Variants in VWA8 observed in about 807,000 individuals in gnomAD.
VWA8 encodes von Willebrand factor A domain-containing protein 8.
A neutral mutation model predicts 241.5 loss-of-function variants in VWA8; 221 were observed. The observed-to-expected ratio is 0.91, with a 90% CI of 0.82 to 1.02. The LOEUF (loss-of-function observed/expected upper bound fraction) is 1.02. Ranked by LOEUF, VWA8 falls within the 50% of genes least tolerant of loss-of-function variation. The pLI is 0.00. For synonymous variants in VWA8, 852 were observed against 827.1 expected (o/e 1.03, Z -0.52); for missense variants, 2,322 against 2,328.7 (o/e 1.00, Z 0.06).
intron 36 of VWA8, among the ~76,000 whole-genome samples, chr13:41,674,173 T>A (rs866833677): frequency 4.6e-5 from 7 of 152,206 alleles, no homozygotes; most frequent in Admixed American, 6.5e-5. Flanking sequence ...CATATTTTTT[T>A]AATCTGATTA....
At chr13:41,908,200 T>A (rs2138108789) in intron 3 of VWA8, among the ~76,000 whole-genome samples, 2 of 152,326 alleles carry the variant, frequency 1.3e-5, no homozygotes, top group African/African-American at 4.8e-5. Flanking sequence ...GCGCTGTGGC[T>A]CACACCTGTA....
intron 37 of VWA8, among the ~76,000 whole-genome samples, chr13:41,627,762 G>A (rs979962739): frequency 3.3e-5 from 5 of 152,054 alleles, no homozygotes; most frequent in African/African-American, 9.7e-5. Flanking sequence ...AAACTACCCT[G>A]CCTCCACTAG....
At chr13:41,854,994 C>T (rs1872679105) in intron 12 of VWA8, among the ~76,000 whole-genome samples, 1 of 152,044 alleles carries the variant, frequency 6.6e-6, no homozygotes, top group African/African-American at 2.4e-5. Context: ...GTTAGTTGCA[C>T]AGTTGAGGTC....
chr13:41,801,754 G>A (rs1869972274), intron 17 of VWA8, among the ~76,000 whole-genome samples: 1 of 152,186 alleles, frequency 6.6e-6, no homozygotes, highest in African/African-American at 2.4e-5. Flanking sequence ...AAAATGAAAA[G>A]TTCCAATGCA....
At position 41,874,196 on chromosome 13, in the gene VWA8, G is replaced by A. The variant is rs1444364814; in HGVS notation, c.1081-5719C>T. ...GATGGGACGTATCTCAAAATAATAA[G>A]AGCTATCTATGACAAACCCACAGCC... On this transcript the variant is annotated intron_variant, in intron 9 of 44. Coordinates refer to ENST00000379310, the MANE Select transcript of VWA8 (RefSeq NM_015058.2). 3.3e-5 allele frequency among the ~76,000 whole-genome samples: 5 copies of A among 150,756 alleles called. No homozygotes were observed. In the East Asian group the frequency reaches 9.6e-4, roughly 29 times the overall value.
At chr13:41,950,664 A>G (rs1593892720) in intron 1 of VWA8, among the ~76,000 whole-genome samples, 1 of 128,636 alleles carries the variant, frequency 7.8e-6, no homozygotes, top group Non-Finnish European at 1.6e-5. Flanking sequence ...CACCACACTC[A>G]GCCTTTTTTT....
intron 26 of VWA8, among the ~76,000 whole-genome samples, chr13:41,713,132 G>A (rs2045328587): frequency 6.6e-6 from 1 of 152,188 alleles, no homozygotes; most frequent in Admixed American, 6.5e-5. Flanking sequence ...TGTGGTATAA[G>A]CTTTGCTGTA....
chr13:41,610,957 C>T (rs182889953), intron 39 of VWA8, among the ~76,000 whole-genome samples: 6 of 152,308 alleles, frequency 3.9e-5, no homozygotes, highest in East Asian at 1.9e-4. Flanking sequence ...CCTATCCAAA[C>T]TCACTGTCCC....
At chr13:41,607,568 G>A (rs1337996137) in intron 39 of VWA8, among the ~76,000 whole-genome samples, 1 of 152,092 alleles carries the variant, frequency 6.6e-6, no homozygotes, top group African/African-American at 2.4e-5. Flanking sequence ...GTGTTTATAT[G>A]TCAATATGCT....
At chr13:41,825,178 C>A (rs777560891) in intron 14 of VWA8, among the ~76,000 whole-genome samples, 7 of 152,198 alleles carry the variant, frequency 4.6e-5, no homozygotes, top group Admixed American at 6.5e-5. Flanking sequence ...CAGATGGCAA[C>A]AAGTGTGTCA....
intron 34 of VWA8, 101 bp downstream of exon 34, chr13:41,689,253 G>C: frequency 9.4e-6 from 12 of 1,280,624 alleles, no homozygotes; most frequent in Non-Finnish European, 1.2e-5. Flanking sequence ...ATGTTTACCA[G>C]GAAATTATGT....
chr13:41,685,280 T>C (rs1566414289), intron 34 of VWA8, 38 bp from the exon 35 acceptor site: 2 of 1,573,318 alleles, frequency 1.3e-6, no homozygotes, highest in Non-Finnish European at 1.7e-6. Flanking sequence ...TGAAGTACCA[T>C]ATACTACATT....
intron 9 of VWA8, among the ~76,000 whole-genome samples, chr13:41,874,419 T>C (rs1188445904): frequency 1.3e-5 from 2 of 152,160 alleles, no homozygotes; most frequent in Admixed American, 6.5e-5. Flanking sequence ...ATGACATGAC[T>C]GTATATCTAG....
At chr13:41,874,145 TA>T (rs1259931014) in intron 9 of VWA8, among the ~76,000 whole-genome samples, 1 of 151,694 alleles carries the variant, frequency 6.6e-6, no homozygotes, top group African/African-American at 2.4e-5. Context: ...CGCTTCATGC[TA>T]AAAACTCTCA....
At chr13:41,783,045 T>C (rs1300335384) in intron 19 of VWA8, among the ~76,000 whole-genome samples, 1 of 151,180 alleles carries the variant, frequency 6.6e-6, no homozygotes, top group Non-Finnish European at 1.5e-5. Flanking sequence ...AAAGGATGCA[T>C]AGGACATATC....
At chr13:41,869,938 C>G (rs1360587613) in intron 9 of VWA8, among the ~76,000 whole-genome samples, 4 of 152,036 alleles carry the variant, frequency 2.6e-5, no homozygotes, top group African/African-American at 9.7e-5. Flanking sequence ...AGAGTTGAAA[C>G]TCAATGAAAG....
intron 1 of VWA8, among the ~76,000 whole-genome samples, chr13:41,950,617 C>G (rs1008501598): frequency 6.6e-6 from 1 of 150,604 alleles, no homozygotes; most frequent in African/African-American, 2.5e-5. Context: ...ATCTGCCCGC[C>G]TTGGCCTCCC....
In VWA8 at chr13:41,691,385, G is replaced by A. The variant is rs764389680; in HGVS notation, c.3801C>T (p.Ile1267=). The A allele has an allele frequency of 1.9e-6, 3 of 1,612,768 alleles. No homozygotes were observed. In the African/African-American group the frequency reaches 4.0e-5, roughly 22 times the overall value. Residue 1267 remains isoleucine, a synonymous_variant, in exon 32 of 45, where the codon ATC becomes ATT. Coordinates refer to ENST00000379310, the MANE Select transcript of VWA8 (RefSeq NM_015058.2). ...EGRTHTISLP[I]NLKTVFLVAE... ...CTACAAGGAAAACTGTCTTGAGGTT[G>A]ATGGGAAGTGAGATGGTGTGAGTTC... is the stretch of plus-strand genomic sequence containing the variant.
intron 4 of VWA8, among the ~76,000 whole-genome samples, chr13:41,902,581 TA>T (rs1875508313): frequency 6.6e-6 from 1 of 152,240 alleles, no homozygotes; most frequent in Admixed American, 6.5e-5. Context: ...AATCATTCAA[TA>T]TATATTTGTT....
Sources: allele counts gnomAD v4.1 joint callset (sites outside exome capture counted in the v4.1 genomes callset), GRCh38; gene constraint gnomAD v4.1.1; transcripts MANE v1.5; gene names NCBI Gene and HGNC (gene_info 2026-07-23, HGNC 2026-07-21).